Variants in ARL15 observed in about 807,000 individuals in gnomAD.
ARL15 encodes the protein ADP-ribosylation factor-like protein 15.
Under a neutral mutation model 25.2 loss-of-function variants are expected in ARL15, and 19 were observed. The observed-to-expected ratio is 0.75, with a 90% confidence interval of 0.53 to 1.10. ARL15 has a LOEUF of 1.10. Among genes scored for constraint, ARL15 ranks in the 50% least tolerant of loss-of-function variants. ARL15 has a pLI of 0.00. For synonymous variants in ARL15, 94 were observed against 86.8 expected (o/e 1.08, Z -0.46); for missense variants, 220 against 246.0 (o/e 0.89, Z 0.71).
chr5:54,136,819 G>A (rs1002626740), intron 3 of ARL15, among the ~76,000 whole-genome samples: 3 of 151,338 alleles, frequency 2.0e-5, no homozygotes, highest in Non-Finnish European at 4.4e-5. Context: ...GTACTGCCAG[G>A]ACTGTCCCCT....
At chr5:54,239,600 G>T in intron 1 of ARL15, among the ~76,000 whole-genome samples, 1 of 152,188 alleles carries the variant, frequency 6.6e-6, no homozygotes, top group East Asian at 1.9e-4. Flanking sequence ...TTGTAGTTAA[G>T]TGTGACCATA....
At chr5:54,125,616 G>C (rs1753227490) in intron 3 of ARL15, among the ~76,000 whole-genome samples, 1 of 152,202 alleles carries the variant, frequency 6.6e-6, no homozygotes, top group Non-Finnish European at 1.5e-5. Context: ...ATTGCGAATA[G>C]AGTGGCCATG....
intron 1 of ARL15, among the ~76,000 whole-genome samples, chr5:54,271,475 ATTGT>A: frequency 6.6e-6 from 1 of 152,226 alleles, no homozygotes; most frequent in Admixed American, 6.5e-5. Flanking sequence ...AAATAGTTAC[ATTGT>A]TTGGGAAATA....
chr5:54,236,676 G>C (rs1756819837), intron 1 of ARL15, among the ~76,000 whole-genome samples: 2 of 152,180 alleles, frequency 1.3e-5, no homozygotes, highest in Admixed American at 6.5e-5. Flanking sequence ...TAATGTGCCA[G>C]TGTTTCACTC....
intron 1 of ARL15, among the ~76,000 whole-genome samples, chr5:54,265,499 A>C (rs1757602009): frequency 6.6e-6 from 1 of 152,228 alleles, no homozygotes; most frequent in Admixed American, 6.5e-5. Context: ...AGCCGATGGT[A>C]ACATCCATGA....
At position 54,045,667 on chromosome 5, in the gene ARL15, G is replaced by C. The variant is rs147676294; in HGVS notation, c.462+67535C>G. On this transcript the variant is annotated intron_variant, in intron 4 of 4. Coordinates refer to ENST00000504924, the MANE Select transcript of ARL15 (RefSeq NM_019087.3). ...CTGTCTAATCTTTAGGTCATAGAGA[G>C]AGTGGGGCAGAGCTTGCCAAGGTTG... 7.1e-3 allele frequency among the ~76,000 whole-genome samples: 1,081 copies of C among 152,076 alleles called. 13 individuals are homozygous for C. The highest frequency in any genetic ancestry group is 0.025 in the African/African-American group (1,040 of 41,484).
chr5:54,002,898 CCAGT>C (rs536217731), intron 4 of ARL15, among the ~76,000 whole-genome samples: 1 of 152,114 alleles, frequency 6.6e-6, no homozygotes, highest in Non-Finnish European at 1.5e-5. Flanking sequence ...TTTCTATTGA[CCAGT>C]CAAATTCTGC....
At chr5:53,897,264 C>G (rs1165182569) in intron 4 of ARL15, among the ~76,000 whole-genome samples, 1 of 152,188 alleles carries the variant, frequency 6.6e-6, no homozygotes, top group Non-Finnish European at 1.5e-5. Flanking sequence ...TTCCTTCAGC[C>G]TTTAGCAACC....
chr5:53,961,207 T>C (rs965211558), intron 4 of ARL15, among the ~76,000 whole-genome samples: 1 of 152,114 alleles, frequency 6.6e-6, no homozygotes, highest in African/African-American at 2.4e-5. Context: ...TAATTATATA[T>C]ACAAGGATCA....
intron 1 of ARL15, among the ~76,000 whole-genome samples, chr5:54,277,929 A>G (rs1240680860): frequency 6.6e-6 from 1 of 152,154 alleles, no homozygotes; most frequent in African/African-American, 2.4e-5. Flanking sequence ...CAGAAAACCA[A>G]ACAGTCACCC....
intron 4 of ARL15, among the ~76,000 whole-genome samples, chr5:54,029,447 A>C (rs970051137): frequency 4.0e-5 from 6 of 150,924 alleles, no homozygotes; most frequent in African/African-American, 1.5e-4. Flanking sequence ...CTCAATTTGC[A>C]AGTATTAAAA....
At chr5:54,082,590 A>G (rs1247258583) in intron 4 of ARL15, among the ~76,000 whole-genome samples, 1 of 152,212 alleles carries the variant, frequency 6.6e-6, no homozygotes, top group African/African-American at 2.4e-5. Flanking sequence ...CTAAAGACAC[A>G]TAATCTAATC....
At chr5:54,055,122 T>C (rs1750827730) in intron 4 of ARL15, among the ~76,000 whole-genome samples, 1 of 152,116 alleles carries the variant, frequency 6.6e-6, no homozygotes, top group African/African-American at 2.4e-5. Context: ...CAAAGAAACA[T>C]CATACTCATT....
intron 4 of ARL15, among the ~76,000 whole-genome samples, chr5:53,944,466 G>A (rs1746653832): frequency 6.6e-6 from 1 of 151,966 alleles, no homozygotes; most frequent in Non-Finnish European, 1.5e-5. Flanking sequence ...CAAAAAATTT[G>A]CTGAGTGTGG....
intron 4 of ARL15, among the ~76,000 whole-genome samples, chr5:54,087,213 A>G (rs988937467): frequency 2.0e-5 from 3 of 152,116 alleles, no homozygotes; most frequent in Admixed American, 6.5e-5. Flanking sequence ...CTGTAGTCCC[A>G]GCTACTCGGG....
chr5:53,982,868 G>C (rs2111607085), intron 4 of ARL15, among the ~76,000 whole-genome samples: 1 of 152,210 alleles, frequency 6.6e-6, no homozygotes, highest in Admixed American at 6.5e-5. Flanking sequence ...ACTTTTTAAT[G>C]ATCACCATTC....
At position 53,938,004 on chromosome 5, in the gene ARL15, G is replaced by A. The variant is rs143393173; in HGVS notation, c.463-51291C>T. On this transcript the variant is annotated intron_variant, in intron 4 of 4. Coordinates refer to ENST00000504924, the MANE Select transcript of ARL15 (RefSeq NM_019087.3). ...TCTGTGTTTATATTCATTCTCATGA[G>A]GGTAGAAATAACAGCGTTCATTATG... 1.7e-4 allele frequency among the ~76,000 whole-genome samples: 26 copies of A among 152,150 alleles called. No individual in the cohort carries two copies. The East Asian group carries it at 2.7e-3, about 16-fold the overall frequency.
rs192866281 is a variant in ARL15, at chr5:54,072,764, A to G, written c.462+40438T>C. Among the ~76,000 whole-genome samples the G allele has an allele frequency of 2.2e-3, 334 of 152,354 alleles. 1 individual carries two copies. The highest frequency in any genetic ancestry group is 7.7e-3 in the African/African-American group (322 of 41,594). On this transcript the variant is annotated intron_variant, in intron 4 of 4. Transcript: ENST00000504924. ...CTTTCCACATATTTATTTCATATGT[A>G]TCAAAATTTCCTTTTCCCACTCCCT...
intron 4 of ARL15, among the ~76,000 whole-genome samples, chr5:54,056,820 G>C (rs1750887858): frequency 6.6e-6 from 1 of 151,866 alleles, no homozygotes; most frequent in Admixed American, 6.6e-5. Context: ...GCTTATCTTT[G>C]GGCAAATCGT....
Sources: allele counts gnomAD v4.1 joint callset (sites outside exome capture counted in the v4.1 genomes callset), GRCh38; gene constraint gnomAD v4.1.1; transcripts MANE v1.5; gene names NCBI Gene and HGNC (gene_info 2026-07-23, HGNC 2026-07-21).